Variants in CSGALNACT1 observed in about 807,000 individuals in gnomAD.
The protein encoded by CSGALNACT1 is beta4GalNAcT-1.
Under a neutral mutation model 51.0 loss-of-function variants are expected in CSGALNACT1, and 52 were observed. The observed-to-expected ratio is 1.02, with a 90% CI of 0.82 to 1.29. The LOEUF (loss-of-function observed/expected upper bound fraction) is 1.29. Among genes scored for constraint, CSGALNACT1 ranks in the 50% most tolerant of loss-of-function variants. The probability of loss-of-function intolerance (pLI) is 0.00; values close to 1 mark genes in which losing one functional copy is unlikely to be tolerated. For missense variants in CSGALNACT1, 935 were observed against 679.2 expected (o/e 1.38, Z -4.19); for synonymous variants, 341 against 254.4 (o/e 1.34, Z -3.24).
At chr8:19,437,235 G>C (rs2060520555) in intron 6 of CSGALNACT1, among the ~76,000 whole-genome samples, 1 of 152,096 alleles carries the variant, frequency 6.6e-6, no homozygotes, top group Non-Finnish European at 1.5e-5. Flanking sequence ...GGGAGTGATG[G>C]GGGTTGAGGT....
intron 1 of CSGALNACT1, among the ~76,000 whole-genome samples, chr8:19,643,497 G>C (rs746109870): frequency 1.3e-5 from 2 of 152,118 alleles, no homozygotes; most frequent in African/African-American, 2.4e-5. Flanking sequence ...AATTAGCTGG[G>C]TGTGATAGTG....
chr8:19,680,981 G>A (rs924118271), intron 1 of CSGALNACT1, among the ~76,000 whole-genome samples: 16 of 152,212 alleles, frequency 1.1e-4, no homozygotes, highest in African/African-American at 3.6e-4. Context: ...AAAACTGCGT[G>A]TGACTGTACA....
chr8:19,422,605 A>G (rs2058121406), intron 6 of CSGALNACT1, among the ~76,000 whole-genome samples: 1 of 152,154 alleles, frequency 6.6e-6, no homozygotes, highest in Non-Finnish European at 1.5e-5. Context: ...CCCATTGCAC[A>G]TTTTCTGTGT....
At chr8:19,591,358 C>T (rs1021381029) in intron 2 of CSGALNACT1, 2 of 152,194 alleles carry the variant, frequency 1.3e-5, no homozygotes, top group Admixed American at 1.3e-4. Flanking sequence ...CAATAGACTT[C>T]AATTTTCATT....
intron 4 of CSGALNACT1, among the ~76,000 whole-genome samples, chr8:19,473,123 T>A (rs1488703101): frequency 6.6e-6 from 1 of 152,178 alleles, no homozygotes; most frequent in East Asian, 1.9e-4. Context: ...ATTGCTAGTT[T>A]TTTCAAGTCG....
chr8:19,528,753 AAAT>A (rs1335918546), intron 3 of CSGALNACT1, among the ~76,000 whole-genome samples: 4 of 152,182 alleles, frequency 2.6e-5, no homozygotes, highest in Non-Finnish European at 5.9e-5. Context: ...TTGCAGCAAC[AAAT>A]AATAAACCCA....
At chr8:19,701,162 T>TTTTG (rs1388104501) in intron 1 of CSGALNACT1, among the ~76,000 whole-genome samples, 13 of 142,936 alleles carry the variant, frequency 9.1e-5, no homozygotes, top group African/African-American at 3.4e-4. Flanking sequence ...CGTTTTTTTT[T>TTTTG]TTTTTTTTTT....
chr8:19,552,095 A>G (rs1233159118), intron 3 of CSGALNACT1, among the ~76,000 whole-genome samples: 1 of 152,224 alleles, frequency 6.6e-6, no homozygotes, highest in African/African-American at 2.4e-5. Context: ...GGGATAAAAA[A>G]TAGTAATTAG....
chr8:19,597,485 T>C (rs1347840688), intron 2 of CSGALNACT1, among the ~76,000 whole-genome samples: 2 of 151,898 alleles, frequency 1.3e-5, no homozygotes, highest in African/African-American at 4.8e-5. Context: ...TTTATTTTTG[T>C]AGAGATGGGG....
chr8:19,516,822 T>C (rs2079617170), intron 3 of CSGALNACT1, among the ~76,000 whole-genome samples: 1 of 152,184 alleles, frequency 6.6e-6, no homozygotes, highest in African/African-American at 2.4e-5. Context: ...GGTGAGATGC[T>C]GGAAGTGGCT....
intron 3 of CSGALNACT1, among the ~76,000 whole-genome samples, chr8:19,535,620 T>C (rs2083580060): frequency 6.6e-6 from 1 of 152,202 alleles, no homozygotes; most frequent in South Asian, 2.1e-4. Context: ...CAAGTCAATT[T>C]TCAGAAATTT....
intron 4 of CSGALNACT1, among the ~76,000 whole-genome samples, chr8:19,478,210 C>T (rs139172624): frequency 0.016 from 2,412 of 151,462 alleles, 31 homozygotes; most frequent in Non-Finnish European, 0.021. Context: ...GTCAGGAGAT[C>T]GAGACCATCC....
intron 1 of CSGALNACT1, among the ~76,000 whole-genome samples, chr8:19,650,425 T>C (rs905633715): frequency 7.2e-5 from 11 of 152,208 alleles, no homozygotes; most frequent in Non-Finnish European, 1.6e-4. Flanking sequence ...GGTTCTAGTT[T>C]CAAGAATGAG....
At chr8:19,749,476 T>C (rs1481201400) in intron 1 of CSGALNACT1, among the ~76,000 whole-genome samples, 1 of 152,236 alleles carries the variant, frequency 6.6e-6, no homozygotes, top group Non-Finnish European at 1.5e-5. Context: ...TAAGGCTTCC[T>C]GCTCCTGGCT....
chr8:19,482,482 T>A (rs1170431481), intron 4 of CSGALNACT1, among the ~76,000 whole-genome samples: 2 of 152,090 alleles, frequency 1.3e-5, no homozygotes, highest in Non-Finnish European at 2.9e-5. Flanking sequence ...TTCTGCTACA[T>A]CCAATAGATC....
chr8:19,682,116 G>A (rs1404310264), intron 1 of CSGALNACT1, among the ~76,000 whole-genome samples: 4 of 152,132 alleles, frequency 2.6e-5, no homozygotes, highest in African/African-American at 7.2e-5. Flanking sequence ...CTTCCAGGTT[G>A]TTGTGAAGGT....
intron 1 of CSGALNACT1, among the ~76,000 whole-genome samples, chr8:19,715,387 T>C (rs11781275): frequency 0.063 from 9,643 of 152,338 alleles, 331 homozygotes; most frequent in South Asian, 0.11. Context: ...GGATTTGCTA[T>C]TCTGTTCCTG....
In CSGALNACT1 at chr8:19,505,362, T is replaced by TCTAC; in HGVS notation, c.472_473insGTAG (p.Gln158ArgfsTer23). ...GTGGCGGGTAAGGCCAGTCTCCAGC[T>TCTAC]GGTACACCTTCTGTAGAGTAAAGCT... On this transcript the variant is annotated frameshift_variant, in exon 4 of 10. Coordinates refer to ENST00000454498, the Ensembl canonical transcript of CSGALNACT1. LOFTEE classifies it high-confidence loss of function. 6.2e-7 allele frequency: 1 copy of TCTAC among 1,614,224 alleles called. No individual in the cohort carries two copies. The highest frequency in any genetic ancestry group is 8.5e-7 in the Non-Finnish European group (1 of 1,180,032).
rs78868564 is a variant in CSGALNACT1 at position 19,447,349 on chromosome 8, G to T, written c.852-7418C>A. ...GAAAAGCCACAAGAAAACTCCAAAC[G>T]TAAATAGGCTGTGGGGAAGGACTGT... On this transcript the variant is annotated intron_variant, in intron 5 of 9. Coordinates refer to ENST00000454498, the Ensembl canonical transcript of CSGALNACT1. 2.0e-5 allele frequency among the ~76,000 whole-genome samples: 3 copies of T among 152,154 alleles called. No homozygotes were observed. In the East Asian group the frequency reaches 5.8e-4, roughly 29 times the overall value.
Sources: allele counts gnomAD v4.1 joint callset (sites outside exome capture counted in the v4.1 genomes callset), GRCh38; gene constraint gnomAD v4.1.1; transcripts MANE v1.5; gene names NCBI Gene and HGNC (gene_info 2026-07-23, HGNC 2026-07-21).